Variants in MCPH1 observed in about 807,000 individuals in gnomAD.
MCPH1 encodes the protein microcephalin.
MCPH1 carries 104 observed loss-of-function variants against 84.5 expected under a neutral mutation model. The observed-to-expected ratio is 1.23, with a 90% confidence interval of 1.05 to 1.45. The LOEUF is 1.45. MCPH1 is among the 40% of genes most tolerant of loss of function. The pLI, the probability that MCPH1 is intolerant of heterozygous loss-of-function variation, is 0.00. For missense variants in MCPH1, 1,498 were observed against 1,005.7 expected (o/e 1.49, Z -6.62); for synonymous variants, 514 against 366.8 (o/e 1.40, Z -4.58).
At chr8:6,548,604 T>G (rs1463697789) in intron 12 of MCPH1, among the ~76,000 whole-genome samples, 2 of 152,148 alleles carry the variant, frequency 1.3e-5, no homozygotes, top group African/African-American at 4.8e-5. Context: ...AAAGTACACC[T>G]GATGGATTTT....
At chr8:6,551,230 T>C (rs1479611796) in intron 12 of MCPH1, among the ~76,000 whole-genome samples, 1 of 110,394 alleles carries the variant, frequency 9.1e-6, no homozygotes, top group African/African-American at 3.3e-5. Flanking sequence ...TTATTCGTGA[T>C]TTTTTTTTTC....
At chr8:6,560,755 C>A (rs995048838) in intron 12 of MCPH1, among the ~76,000 whole-genome samples, 1 of 152,214 alleles carries the variant, frequency 6.6e-6, no homozygotes, top group African/African-American at 2.4e-5. Flanking sequence ...TTGTCTTTTT[C>A]TGTCTTTAAA....
intron 2 of MCPH1, 68 bp downstream of exon 2, chr8:6,409,438 T>G: frequency 7.5e-7 from 1 of 1,324,888 alleles, no homozygotes; most frequent in Non-Finnish European, 1.1e-6. Flanking sequence ...ACATTTGCAT[T>G]TTCTTATTTT....
intron 12 of MCPH1, among the ~76,000 whole-genome samples, chr8:6,560,641 C>T (rs1052832909): frequency 1.3e-5 from 2 of 152,226 alleles, no homozygotes; most frequent in African/African-American, 4.8e-5. Context: ...TTTAGCTAGA[C>T]AGCTGAAGAC....
intron 12 of MCPH1, chr8:6,562,578 T>C (rs1296317952): frequency 3.4e-6 from 3 of 880,098 alleles, no homozygotes; most frequent in Non-Finnish European, 4.7e-6. Context: ...TTTTGGTTGT[T>C]AAAACCTGAG....
chr8:6,616,490 C>A lies in MCPH1; in HGVS notation c.2215-4964C>A, dbSNP rs556409781. 4 of 152,316 alleles carry A rather than the reference C, an allele frequency of 2.6e-5. No homozygotes were observed. The South Asian group carries it at 8.3e-4, about 32-fold the overall frequency. The allele number at this position is 152,316 out of a possible 1,614,324, so 9.4% of individuals were successfully genotyped here. The stretch of plus-strand genomic sequence containing the variant: ...GATTCGGAGAGTGTGAGCTAAAACC[C>A]ATTAAATCAGGTGAAGACACAAAGG... On this transcript the variant is annotated intron_variant, in intron 12 of 13. Coordinates refer to ENST00000344683, the MANE Select transcript of MCPH1 (RefSeq NM_024596.5).
rs1311637038 is a variant in MCPH1 at position 6,535,738 on chromosome 8, A to G, written c.2214+35809A>G. On this transcript the variant is annotated intron_variant, in intron 12 of 13. Coordinates refer to ENST00000344683, the MANE Select transcript of MCPH1 (RefSeq NM_024596.5). ...GAACCAAAAATGTGCAGTAGTAGAT[A>G]TTTTGTGTTGATTTAAAAAGATATT... is the stretch of plus-strand genomic sequence containing the variant. Among the ~76,000 whole-genome samples the G allele has an allele frequency of 3.9e-5, 6 of 152,162 alleles. No individual in the cohort carries two copies. In the East Asian group the frequency reaches 9.6e-4, roughly 24 times the overall value.
At chr8:6,610,254 G>A (rs1196014570) in intron 12 of MCPH1, among the ~76,000 whole-genome samples, 1 of 152,224 alleles carries the variant, frequency 6.6e-6, no homozygotes, top group African/African-American at 2.4e-5. Context: ...GAGCTGGGAT[G>A]CAGACAGAAG....
At chr8:6,480,689 G>C (rs1383134987) in intron 10 of MCPH1, 25 bp from the exon 11 acceptor site, 4 of 1,613,854 alleles carry the variant, frequency 2.5e-6, no homozygotes, top group Admixed American at 1.7e-5. Flanking sequence ...CATTCATTTT[G>C]TTAATTTTTC....
intron 11 of MCPH1, among the ~76,000 whole-genome samples, chr8:6,484,818 C>G (rs1809666764): frequency 1.3e-5 from 2 of 152,162 alleles, no homozygotes; most frequent in East Asian, 1.9e-4. Context: ...CAAGGCCAAA[C>G]TATAGGGAAG....
intron 8 of MCPH1, among the ~76,000 whole-genome samples, chr8:6,454,853 G>A (rs943189276): frequency 6.6e-6 from 1 of 152,220 alleles, no homozygotes; most frequent in African/African-American, 2.4e-5. Context: ...TTTGACGAGT[G>A]CGTAAGGTAT....
chr8:6,461,940 T>G (rs1172024519), intron 9 of MCPH1, among the ~76,000 whole-genome samples: 2 of 152,224 alleles, frequency 1.3e-5, no homozygotes, highest in Non-Finnish European at 2.9e-5. Context: ...AAATATTGAT[T>G]ATTATCCTCA....
Position 6,562,774 on chromosome 8 carries a change from C to A in MCPH1, c.2215-58680C>A. ...GGACACGTAGGGGCTGGAGGAAGAG[C>A]GGCAGTTGTCCATCTCTGGCAGGAG... On this transcript the variant is annotated intron_variant, in intron 12 of 13. Coordinates refer to ENST00000344683, the MANE Select transcript of MCPH1 (RefSeq NM_024596.5). The A allele has an allele frequency of 1.2e-6, 2 of 1,613,882 alleles. No homozygotes were observed. The highest frequency in any genetic ancestry group is 2.2e-5 in the South Asian group (2 of 91,070).
chr8:6,591,563 C>T (rs929896650), intron 12 of MCPH1, among the ~76,000 whole-genome samples: 9 of 152,178 alleles, frequency 5.9e-5, no homozygotes, highest in African/African-American at 2.2e-4. Context: ...CAAGAGTATC[C>T]TAAGAGCACT....
At chr8:6,551,193 G>C (rs564064719) in intron 12 of MCPH1, among the ~76,000 whole-genome samples, 2 of 152,116 alleles carry the variant, frequency 1.3e-5, no homozygotes, top group African/African-American at 4.8e-5. Flanking sequence ...GATAGAGAAA[G>C]GGTCCTAGTT....
chr8:6,446,271 C>A (rs1430847841), intron 8 of MCPH1: 27 of 984,692 alleles, frequency 2.7e-5, no homozygotes, highest in African/African-American at 5.2e-5. Context: ...TTCCAGCAAC[C>A]AAAATTGAAG....
intron 12 of MCPH1, among the ~76,000 whole-genome samples, chr8:6,552,013 G>T (rs895548435): frequency 3.3e-5 from 5 of 152,190 alleles, no homozygotes; most frequent in Admixed American, 3.3e-4. Context: ...AGATGACCAA[G>T]AATTGATATC....
intron 12 of MCPH1, among the ~76,000 whole-genome samples, chr8:6,523,588 G>A (rs1180569385): frequency 6.6e-6 from 1 of 151,938 alleles, no homozygotes; most frequent in African/African-American, 2.4e-5. Flanking sequence ...AGGGTTTTTT[G>A]TTTTTTGTTT....
intron 11 of MCPH1, among the ~76,000 whole-genome samples, chr8:6,491,868 G>C (rs1476793618): frequency 6.6e-6 from 1 of 152,124 alleles, no homozygotes; most frequent in Non-Finnish European, 1.5e-5. Flanking sequence ...TCTTAATCCA[G>C]TCTATCATTG....
Sources: gnomAD v4.1 joint callset for allele counts (sites outside exome capture counted in the v4.1 genomes callset) on GRCh38, gnomAD v4.1.1 for gene constraint, MANE v1.5 for transcripts, NCBI Gene and HGNC (gene_info 2026-07-23, HGNC 2026-07-21) for gene names.